FHIT: variants seen among roughly 807,000 people sequenced by gnomAD.
FHIT encodes the protein fragile histidine triad diadenosine triphosphatase, also known as bis(5'-adenosyl)-triphosphatase.
In FHIT, 19 loss-of-function variants were observed where a neutral mutation model predicts 17.9. The ratio of observed to expected loss-of-function variants is 1.06; its 90% confidence interval spans 0.74 to 1.56. FHIT has a LOEUF of 1.56. Ranked by LOEUF, FHIT falls within the 40% of genes most tolerant of loss-of-function variation. FHIT has a pLI of 0.00. For synonymous variants in FHIT, 81 were observed against 69.7 expected, an observed-to-expected ratio of 1.16 and a Z score of -0.81; for missense variants, 248 against 189.2, an observed-to-expected ratio of 1.31 and a Z score of -1.82.
chr3:60,156,547 A>C (rs1321862663), intron 5 of FHIT, among the ~76,000 whole-genome samples: 1 of 152,030 alleles, frequency 6.6e-6, no homozygotes, highest in Non-Finnish European at 1.5e-5. Context: ...CCAGGAGTTC[A>C]AGAACAACCT....
intron 8 of FHIT, among the ~76,000 whole-genome samples, chr3:59,790,301 C>T (rs1699493050): frequency 1.3e-5 from 2 of 152,252 alleles, no homozygotes; most frequent in South Asian, 2.1e-4. Flanking sequence ...GCATTTTGTA[C>T]TTAGCATAGA....
intron 5 of FHIT, among the ~76,000 whole-genome samples, chr3:60,466,823 G>GTTT (rs34184253): frequency 8.1e-5 from 11 of 135,422 alleles, no homozygotes; most frequent in Non-Finnish European, 1.4e-4. Context: ...CTTGCCTGCA[G>GTTT]TTTTTTTTTT....
rs558955034 is a variant in FHIT at position 60,608,499 on chromosome 3, T to C, written c.-17-71520A>G. ...GTTCACCAGAGGTTCAGTCCAGCTC[T>C]CTGGGGTGCTACATGGGTGCAGAAG... On this transcript the variant is annotated intron_variant, in intron 4 of 9. Coordinates refer to ENST00000492590, the MANE Select transcript of FHIT (RefSeq NM_002012.4). Among the ~76,000 whole-genome samples the C allele has an allele frequency of 6.4e-4, 98 of 152,300 alleles. 1 individual carries two copies. The highest frequency in any genetic ancestry group is 2.3e-3 in the African/African-American group (96 of 41,558).
intron 8 of FHIT, among the ~76,000 whole-genome samples, chr3:59,773,697 T>C (rs1402235931): frequency 2.0e-5 from 3 of 152,096 alleles, no homozygotes; most frequent in Non-Finnish European, 2.9e-5. Flanking sequence ...GGCTTCATCT[T>C]GATGTCCCGG....
At chr3:60,441,791 T>TATATATTTATATATATAAAATATATATAA (rs1559916349) in intron 5 of FHIT, among the ~76,000 whole-genome samples, 1 of 116,828 alleles carries the variant, frequency 8.6e-6, no homozygotes, top group Admixed American at 9.8e-5. Flanking sequence ...AAAATATATA[T>TATATATTTATATATATAAAATATATATAA]ATATATATAT....
At chr3:60,717,702 G>C (rs1295316701) in intron 4 of FHIT, among the ~76,000 whole-genome samples, 1 of 152,158 alleles carries the variant, frequency 6.6e-6, no homozygotes, top group African/African-American at 2.4e-5. Context: ...AACTTTATGT[G>C]CATCAGAATT....
intron 4 of FHIT, among the ~76,000 whole-genome samples, chr3:60,714,067 AC>A (rs1553705942): frequency 6.6e-6 from 1 of 152,142 alleles, no homozygotes; most frequent in African/African-American, 2.4e-5. Flanking sequence ...CAGCAGCACA[AC>A]AAAAAGCTTA....
chr3:60,072,231 C>T (rs2630205), intron 5 of FHIT, among the ~76,000 whole-genome samples: 12,319 of 152,170 alleles, frequency 0.081, 556 homozygotes, highest in African/African-American at 0.12. Context: ...AAAGTGGCTT[C>T]GGATACATTA....
chr3:60,993,029 A>C (rs1033281328), intron 3 of FHIT, among the ~76,000 whole-genome samples: 2 of 152,204 alleles, frequency 1.3e-5, no homozygotes, highest in Non-Finnish European at 2.9e-5. Context: ...TTTTAAGCTA[A>C]GATCAGCCGA....
At chr3:60,637,213 T>C (rs2039610623) in intron 4 of FHIT, among the ~76,000 whole-genome samples, 1 of 152,224 alleles carries the variant, frequency 6.6e-6, no homozygotes, top group Non-Finnish European at 1.5e-5. Context: ...ATGGCCACTT[T>C]GATAGCACCA....
chr3:59,828,290 C>T (rs892174714), intron 8 of FHIT, among the ~76,000 whole-genome samples: 1 of 152,106 alleles, frequency 6.6e-6, no homozygotes, highest in African/African-American at 2.4e-5. Context: ...TTTTCTTTGC[C>T]TCCAGGATTG....
intron 4 of FHIT, among the ~76,000 whole-genome samples, chr3:60,771,150 A>C (rs1700028023): frequency 6.6e-6 from 1 of 152,196 alleles, no homozygotes; most frequent in South Asian, 2.1e-4. Flanking sequence ...AGGCTAGCCT[A>C]TTTATTGTAT....
chr3:59,903,292 G>A (rs1704420049), intron 8 of FHIT, among the ~76,000 whole-genome samples: 1 of 152,144 alleles, frequency 6.6e-6, no homozygotes, highest in African/African-American at 2.4e-5. Context: ...GGGAGGAATG[G>A]GGAGTGACAG....
intron 5 of FHIT, among the ~76,000 whole-genome samples, chr3:60,014,453 G>C (rs1000922187): frequency 6.6e-6 from 1 of 152,162 alleles, no homozygotes; most frequent in African/African-American, 2.4e-5. Context: ...GAGGAGGCAA[G>C]ATCTATTCTA....
intron 2 of FHIT, among the ~76,000 whole-genome samples, chr3:61,146,412 G>C (rs1277372169): frequency 1.3e-5 from 2 of 151,948 alleles, no homozygotes. Flanking sequence ...AATATGACCT[G>C]ACAAAAAGGA....
intron 3 of FHIT, among the ~76,000 whole-genome samples, chr3:60,826,139 A>T: frequency 6.7e-6 from 1 of 148,336 alleles, no homozygotes; most frequent in South Asian, 2.2e-4. Flanking sequence ...AAAGGGAGGG[A>T]GGGATGAATG....
chr3:60,234,782 G>C (rs1214407762), intron 5 of FHIT, among the ~76,000 whole-genome samples: 1 of 152,128 alleles, frequency 6.6e-6, no homozygotes, highest in Non-Finnish European at 1.5e-5. Context: ...CCTTTGTTTG[G>C]ATGTCACCTT....
intron 5 of FHIT, among the ~76,000 whole-genome samples, chr3:60,146,559 C>G (rs1451963047): frequency 6.6e-6 from 1 of 152,130 alleles, no homozygotes; most frequent in African/African-American, 2.4e-5. Context: ...CCTCTTAAAA[C>G]TAAACATTAC....
At chr3:60,782,575 G>A (rs1018588867) in intron 4 of FHIT, among the ~76,000 whole-genome samples, 1 of 152,118 alleles carries the variant, frequency 6.6e-6, no homozygotes, top group African/African-American at 2.4e-5. Flanking sequence ...CTTAAGTAAG[G>A]CTATAAGAAG....
Sources: gnomAD v4.1 joint callset for allele counts (sites outside exome capture counted in the v4.1 genomes callset) on GRCh38, gnomAD v4.1.1 for gene constraint, MANE v1.5 for transcripts, NCBI Gene and HGNC (gene_info 2026-07-23, HGNC 2026-07-21) for gene names.